Variants in FOXP1 observed in about 807,000 individuals in gnomAD.
FOXP1 encodes forkhead box protein P1.
A neutral mutation model predicts 98.2 loss-of-function variants in FOXP1; 15 were observed. The ratio of observed to expected loss-of-function variants is 0.15; its 90% confidence interval spans 0.10 to 0.24. The LOEUF is 0.24. Ranked by LOEUF, FOXP1 falls within the 10% of genes least tolerant of loss-of-function variation. FOXP1 has a pLI of 1.00. For missense variants in FOXP1, 633 were observed against 848.5 expected, an observed-to-expected ratio of 0.75 and a Z score of 3.15; for synonymous variants, 371 against 314.5, an observed-to-expected ratio of 1.18 and a Z score of -1.90.
intron 5 of FOXP1, among the ~76,000 whole-genome samples, chr3:71,261,193 T>C (rs1560202072): frequency 6.6e-6 from 1 of 152,208 alleles, no homozygotes. Context: ...TGTCGGATAT[T>C]CTAAGTAATT....
chr3:71,364,875 A>C (rs1577145902), intron 3 of FOXP1, among the ~76,000 whole-genome samples: 1 of 152,200 alleles, frequency 6.6e-6, no homozygotes, highest in East Asian at 1.9e-4. Context: ...TACATCCTTA[A>C]CGTGATAGCT....
chr3:71,338,858 C>A (rs2076843872), intron 4 of FOXP1, among the ~76,000 whole-genome samples: 1 of 152,160 alleles, frequency 6.6e-6, no homozygotes, highest in Non-Finnish European at 1.5e-5. Context: ...AAAGCAGTAA[C>A]TAAATTATAC....
At chr3:71,231,334 G>GT (rs2066269463) in intron 5 of FOXP1, among the ~76,000 whole-genome samples, 1 of 152,104 alleles carries the variant, frequency 6.6e-6, no homozygotes, top group African/African-American at 2.4e-5. Context: ...GAGAAACAAA[G>GT]TGAACTGATT....
chr3:71,118,775 CATGTGAAACTT>C (rs1357048445), intron 6 of FOXP1, among the ~76,000 whole-genome samples: 1 of 152,184 alleles, frequency 6.6e-6, no homozygotes, highest in Admixed American at 6.5e-5. Flanking sequence ...TATATTATGA[CATGTGAAACTT>C]ATATGGTATT....
At chr3:71,424,225 G>C (rs2083902165) in intron 3 of FOXP1, among the ~76,000 whole-genome samples, 1 of 152,172 alleles carries the variant, frequency 6.6e-6, no homozygotes, top group African/African-American at 2.4e-5. Flanking sequence ...AATGATTTTG[G>C]CGACCAGGCA....
intron 6 of FOXP1, among the ~76,000 whole-genome samples, chr3:71,197,573 G>C (rs977047504): frequency 2.1e-4 from 32 of 152,140 alleles, no homozygotes; most frequent in Non-Finnish European, 4.4e-4. Flanking sequence ...GCACCAATAA[G>C]AGCTAATTTA....
intron 5 of FOXP1, among the ~76,000 whole-genome samples, chr3:71,269,661 G>A (rs762629476): frequency 1.3e-5 from 2 of 152,292 alleles, no homozygotes; most frequent in Middle Eastern, 3.4e-3. Context: ...CGGGCCACTA[G>A]GGATAATTAA....
At chr3:71,028,833 G>C (rs2046471472) in intron 11 of FOXP1, among the ~76,000 whole-genome samples, 1 of 152,182 alleles carries the variant, frequency 6.6e-6, no homozygotes, top group African/African-American at 2.4e-5. Flanking sequence ...GGGAGACAGT[G>C]ACAGATCATT....
Position 70,989,468 on chromosome 3 carries a change from T to C in FOXP1, c.1063-1391A>G, listed in dbSNP as rs537126672. Among the ~76,000 whole-genome samples, 5 of 152,298 alleles carry C rather than the reference T, an allele frequency of 3.3e-5. 1 individual carries two copies. In the South Asian group the frequency reaches 1.0e-3, roughly 32 times the overall value. ...ATTCCTCCTCTGTTCTTTAGTAAGT[T>C]ATTGAACAGCCAAACTAAAAGATTC... is the stretch of plus-strand genomic sequence containing the variant. On this transcript the variant is annotated intron_variant, in intron 13 of 20. Transcript: ENST00000649528.
chr3:71,380,439 T>A (rs1003722691), intron 3 of FOXP1, among the ~76,000 whole-genome samples: 59 of 152,362 alleles, frequency 3.9e-4, no homozygotes, highest in African/African-American at 1.4e-3. Flanking sequence ...AGCATGAGCC[T>A]AGGCCAAAGG....
In FOXP1 at chr3:71,041,427, G is replaced by A; in HGVS notation, c.770C>T (p.Thr257Ile). 1 of 1,613,878 alleles carries A rather than the reference G, an allele frequency of 6.2e-7. No homozygotes were observed. The highest frequency in any genetic ancestry group is 8.5e-7 in the Non-Finnish European group (1 of 1,179,816). The change falls in exon 11 of 21, where the codon ACA becomes ATA. Residue 257 changes from threonine to isoleucine, a missense_variant. Physicochemically the swap from Thr to Ile is moderately conservative, Grantham distance 89 (BLOSUM62 -1). Transcript: ENST00000649528. ...NNHSSLDLTT[T>I]CVSSSAPSKT... is the part of the protein sequence containing the mutation. ...GGAAGGTGCAGAGGAGGAGACACAT[G>A]TCGTGGTCAGATCCAAACTGCTGTG...
intron 5 of FOXP1, among the ~76,000 whole-genome samples, chr3:71,297,140 CTA>C (rs1438367987): frequency 6.6e-6 from 1 of 152,082 alleles, no homozygotes; most frequent in African/African-American, 2.4e-5. Flanking sequence ...TAGAGAACAA[CTA>C]TAGAGACTGA....
chr3:71,457,331 G>A (rs543639452), intron 3 of FOXP1, among the ~76,000 whole-genome samples: 2 of 152,070 alleles, frequency 1.3e-5, no homozygotes, highest in Non-Finnish European at 2.9e-5. Context: ...AGAACTTCTA[G>A]GTAAATTACA....
intron 3 of FOXP1, among the ~76,000 whole-genome samples, chr3:71,438,864 C>T (rs188717127): frequency 6.6e-6 from 1 of 152,298 alleles, no homozygotes; most frequent in East Asian, 1.9e-4. Context: ...ATTACACAGG[C>T]TGGAGGACTG....
chr3:71,407,896 G>T (rs2082462966), intron 3 of FOXP1, among the ~76,000 whole-genome samples: 3 of 152,144 alleles, frequency 2.0e-5, no homozygotes, highest in Admixed American at 2.0e-4. Flanking sequence ...ACAATTCAGG[G>T]GCTTTGTGCC....
At chr3:71,217,913 T>C (rs1330559774) in intron 5 of FOXP1, among the ~76,000 whole-genome samples, 1 of 152,200 alleles carries the variant, frequency 6.6e-6, no homozygotes, top group Non-Finnish European at 1.5e-5. Context: ...CATAAAATCA[T>C]CTTCTCAACC....
At chr3:70,984,216 T>C (rs1445573985) in intron 14 of FOXP1, among the ~76,000 whole-genome samples, 2 of 152,192 alleles carry the variant, frequency 1.3e-5, no homozygotes, top group African/African-American at 4.8e-5. Context: ...TTTATAAAAT[T>C]AAAAGTTTGA....
At chr3:71,004,472 T>C (rs1381417166) in intron 12 of FOXP1, among the ~76,000 whole-genome samples, 1 of 152,208 alleles carries the variant, frequency 6.6e-6, no homozygotes, top group African/African-American at 2.4e-5. Flanking sequence ...TAGTGATTAA[T>C]AGTTAAGAAT....
At chr3:71,300,254 T>C (rs2073731461) in intron 4 of FOXP1, among the ~76,000 whole-genome samples, 1 of 152,206 alleles carries the variant, frequency 6.6e-6, no homozygotes, top group South Asian at 2.1e-4. Context: ...ATCCACAACA[T>C]CTCTTATTTC....
Sources: allele counts gnomAD v4.1 joint callset (sites outside exome capture counted in the v4.1 genomes callset), GRCh38; gene constraint gnomAD v4.1.1; transcripts MANE v1.5; gene names NCBI Gene and HGNC (gene_info 2026-07-23, HGNC 2026-07-21).